Variants in EEIG2 observed in about 807,000 individuals in gnomAD.
EEIG2 encodes the protein EEIG family member 2.
chr1:108,605,674 G>C, the EEIG2 span, among the ~76,000 whole-genome samples: 6 of 152,204 alleles, frequency 3.9e-5, no homozygotes. Flanking sequence ...TTTATGTACA[G>C]TGACATATTT....
the EEIG2 span, among the ~76,000 whole-genome samples, chr1:108,612,778 C>G: frequency 6.6e-6 from 1 of 152,186 alleles, no homozygotes; most frequent in East Asian, 1.9e-4. Flanking sequence ...CGAATGTATA[C>G]TTCATAGAGT....
At chr1:108,615,226 T>A in the EEIG2 span, among the ~76,000 whole-genome samples, 1 of 152,186 alleles carries the variant, frequency 6.6e-6, no homozygotes, top group Non-Finnish European at 1.5e-5. Flanking sequence ...AAAATATCAC[T>A]TAATCTCCCT....
At chr1:108,582,843 G>A in the EEIG2 span, among the ~76,000 whole-genome samples, 1 of 152,104 alleles carries the variant, frequency 6.6e-6, no homozygotes, top group African/African-American at 2.4e-5. Flanking sequence ...GAGTGGGGGA[G>A]CAGAGTAGAG....
chr1:108,605,603 T>C, the EEIG2 span, among the ~76,000 whole-genome samples: 1 of 152,202 alleles, frequency 6.6e-6, no homozygotes, highest in Non-Finnish European at 1.5e-5. Context: ...TAGGTATTGT[T>C]CTGAGTGTTT....
the EEIG2 span, among the ~76,000 whole-genome samples, chr1:108,560,758 A>G: frequency 6.6e-6 from 1 of 152,088 alleles, no homozygotes; most frequent in Admixed American, 6.5e-5. Context: ...TCCTGACTCC[A>G]GATGGTGCCT....
At chr1:108,589,437 C>T in the EEIG2 span, among the ~76,000 whole-genome samples, 1 of 152,172 alleles carries the variant, frequency 6.6e-6, no homozygotes, top group Non-Finnish European at 1.5e-5. Context: ...TCCATCCCTC[C>T]TTTTACTGAA....
chr1:108,629,257 G>A, the EEIG2 span, among the ~76,000 whole-genome samples: 1 of 152,150 alleles, frequency 6.6e-6, no homozygotes, highest in Non-Finnish European at 1.5e-5. Context: ...AATTACTCAT[G>A]TTGATGTGAA....
the EEIG2 span, among the ~76,000 whole-genome samples, chr1:108,603,106 G>T: frequency 6.6e-6 from 1 of 152,126 alleles, no homozygotes; most frequent in African/African-American, 2.4e-5. Flanking sequence ...CAAAACAGCC[G>T]CTTGAAGGCA....
the EEIG2 span, chr1:108,628,567 T>C: frequency 6.2e-7 from 1 of 1,607,840 alleles, no homozygotes; most frequent in East Asian, 2.2e-5. Flanking sequence ...AAGATACAGC[T>C]TCAGAAAAAC....
chr1:108,560,331 G>C, the EEIG2 span: 1 of 988,952 alleles, frequency 1.0e-6, no homozygotes, highest in Non-Finnish European at 1.2e-6. Flanking sequence ...CGCACAGCTC[G>C]CGGCCCCGGC....
chr1:108,616,622 A>G, the EEIG2 span, among the ~76,000 whole-genome samples: 7 of 152,314 alleles, frequency 4.6e-5, no homozygotes, highest in East Asian at 3.9e-4. Flanking sequence ...CCATACTCCA[A>G]ATTATTAATG....
the EEIG2 span, among the ~76,000 whole-genome samples, chr1:108,602,254 T>C: frequency 6.6e-6 from 1 of 152,124 alleles, no homozygotes; most frequent in African/African-American, 2.4e-5. Flanking sequence ...CTGCTATAAA[T>C]AAATAGCACA....
the EEIG2 span, among the ~76,000 whole-genome samples, chr1:108,564,949 AAAAT>A: frequency 7.2e-5 from 11 of 152,168 alleles, no homozygotes; most frequent in Admixed American, 3.9e-4. Context: ...CTCTGTCTCA[AAAAT>A]AAATAAATAA....
At chr1:108,633,428 CA>C in the EEIG2 span, among the ~76,000 whole-genome samples, 1 of 152,164 alleles carries the variant, frequency 6.6e-6, no homozygotes, top group Non-Finnish European at 1.5e-5. Context: ...GCTAGGACTA[CA>C]GGTGTGAGCC....
the EEIG2 span, among the ~76,000 whole-genome samples, chr1:108,620,524 C>T: frequency 6.6e-6 from 1 of 152,148 alleles, no homozygotes; most frequent in South Asian, 2.1e-4. Flanking sequence ...AAAGTGTATA[C>T]TCTGCTGGCA....
the EEIG2 span, among the ~76,000 whole-genome samples, chr1:108,569,345 A>G: frequency 6.6e-6 from 1 of 152,226 alleles, no homozygotes; most frequent in African/African-American, 2.4e-5. Context: ...TTTTAGAGGC[A>G]GTTACTCTGT....
the EEIG2 span, among the ~76,000 whole-genome samples, chr1:108,634,425 G>A: frequency 6.6e-6 from 1 of 152,164 alleles, no homozygotes; most frequent in Admixed American, 6.5e-5. Context: ...ACTAGTCATG[G>A]TGGTTGCTTC....
chr1:108,633,726 T>G, the EEIG2 span, among the ~76,000 whole-genome samples: 1 of 152,230 alleles, frequency 6.6e-6, no homozygotes, highest in South Asian at 2.1e-4. Context: ...TTCCTTGTGT[T>G]TATTCTGCCT....
chr1:108,597,579 GT>G, the EEIG2 span, among the ~76,000 whole-genome samples: 3 of 152,150 alleles, frequency 2.0e-5, no homozygotes, highest in African/African-American at 4.8e-5. Flanking sequence ...TTCAAAACCT[GT>G]TTAAGTTTCC....
Sources: allele counts gnomAD v4.1 joint callset (sites outside exome capture counted in the v4.1 genomes callset), GRCh38; gene constraint gnomAD v4.1.1; transcripts MANE v1.5; gene names NCBI Gene and HGNC (gene_info 2026-07-23, HGNC 2026-07-21).